Variants in LPCAT1 observed in about 807,000 individuals in gnomAD.
LPCAT1 encodes 1-acylglycerol-3-phosphate O-acyltransferase.
A neutral mutation model predicts 60.9 loss-of-function variants in LPCAT1; 23 were observed. The observed-to-expected ratio is 0.38, with a 90% CI of 0.27 to 0.53. The LOEUF is 0.53. Among genes scored for constraint, LPCAT1 ranks in the 20% least tolerant of loss-of-function variants. LPCAT1 has a pLI of 0.82. For synonymous variants in LPCAT1, 340 were observed against 301.1 expected, an observed-to-expected ratio of 1.13 and a Z score of -1.34; for missense variants, 622 against 723.6, an observed-to-expected ratio of 0.86 and a Z score of 1.61.
At chr5:1,482,859 C>T (rs1735214571) in intron 6 of LPCAT1, among the ~76,000 whole-genome samples, 1 of 152,130 alleles carries the variant, frequency 6.6e-6, no homozygotes. Context: ...GGTCTACCAC[C>T]TTCGCCCCAG....
In LPCAT1 at chr5:1,521,200, A is replaced by C; in HGVS notation, c.135+2510T>G. The C allele has an allele frequency of 2.7e-6, 1 of 366,558 alleles. No individual in the cohort carries two copies. Among genetic ancestry groups the C allele is most frequent in the Non-Finnish European group, 3.8e-6 (1 of 264,588 alleles). The allele number at this position is 366,558 out of a possible 1,614,324, so 22.7% of individuals were successfully genotyped here. A position where few individuals can be genotyped will look rare whatever the true frequency, so the allele number is the denominator to read the frequency against. ...TCTTAATGTGCTGTTTTCTGTCCAA[A>C]GAGATACTTAAGCTCCTCACTAAAT... is the stretch of plus-strand genomic sequence containing the variant. On this transcript the variant is annotated intron_variant, in intron 1 of 13. Transcript: ENST00000283415. The surrounding 1 kb of genome is among the most constrained non-coding windows in gnomAD (Gnocchi z 4.3).
rs1734097610 is a variant in LPCAT1, at chr5:1,461,651, GC to G, written c.*1999del. 1 of 152,790 alleles carries G rather than the reference GC, an allele frequency of 6.5e-6. No homozygotes were observed. Among genetic ancestry groups the G allele is most frequent in the Non-Finnish European group, 1.5e-5 (1 of 68,050 alleles). The allele number at this position is 152,790 out of a possible 1,614,324, so 9.5% of individuals were successfully genotyped here. A position where few individuals can be genotyped will look rare whatever the true frequency, so the allele number is the denominator to read the frequency against. On this transcript the variant is annotated 3_prime_UTR_variant, in exon 14 of 14. Transcript: ENST00000283415. ...TGTACATTCACAGTTCCGAATATCC[GC>G]CAACTCTAAGTCGCCACGAAGAGAA...
intron 5 of LPCAT1, among the ~76,000 whole-genome samples, chr5:1,486,813 G>A (rs542747126): frequency 2.6e-5 from 4 of 152,302 alleles, no homozygotes; most frequent in African/African-American, 7.2e-5. Flanking sequence ...CAGGTGACAC[G>A]CAGAACTCAT....
At position 1,463,801 on chromosome 5, in the gene LPCAT1, G is replaced by A. The variant is rs1379151405; in HGVS notation, c.1455C>T (p.Ala485=). ...DFHRFAEMYP[A]FAEEYLYPDQ... is the part of the protein sequence containing the mutation. ...CCGGGTACAGGTATTCCTCTGCGAAGGCAGGGTACATTTCTGCAAACCTGT... is the reference window on the plus strand; with the variant it reads ...CCGGGTACAGGTATTCCTCTGCGAAAGCAGGGTACATTTCTGCAAACCTGT... Residue 485 remains alanine, a synonymous_variant, in exon 14 of 14, where the codon GCC becomes GCT. Coordinates refer to ENST00000283415, the MANE Select transcript of LPCAT1 (RefSeq NM_024830.5). 1 of 1,614,248 alleles carries A rather than the reference G, an allele frequency of 6.2e-7. No homozygotes were observed. The highest frequency in any genetic ancestry group is 8.5e-7 in the Non-Finnish European group (1 of 1,180,030).
intron 7 of LPCAT1, among the ~76,000 whole-genome samples, chr5:1,479,961 C>CCCACACCTGTCCCT (rs965476510): frequency 6.6e-6 from 1 of 151,916 alleles, no homozygotes; most frequent in Non-Finnish European, 1.5e-5. Context: ...CCTCGTACAG[C>CCCACACCTGTCCCT]CCACACCTGT....
intron 1 of LPCAT1, among the ~76,000 whole-genome samples, chr5:1,509,834 C>T (rs1404838262): frequency 1.3e-5 from 2 of 152,184 alleles, no homozygotes; most frequent in Non-Finnish European, 2.9e-5. Context: ...TGAACCATTG[C>T]CGTGGGCTCT....
In LPCAT1 at chr5:1,502,232, C is replaced by A. The variant is rs1327425320; in HGVS notation, c.136-629G>T. Among the ~76,000 whole-genome samples, 1 of 152,118 alleles carries A rather than the reference C, an allele frequency of 6.6e-6. No homozygotes were observed. Among genetic ancestry groups the A allele is most frequent in the African/African-American group, 2.4e-5 (1 of 41,408 alleles). The stretch of plus-strand genomic sequence containing the variant: ...CAGCACACAACCCCAGGCAGCTCCA[C>A]CCCGCAGGACGCACCCCCAGGCAGC... On this transcript the variant is annotated intron_variant, in intron 1 of 13. Transcript: ENST00000283415. The surrounding 1 kb of genome is among the most constrained non-coding windows in gnomAD (Gnocchi z 5.5).
rs901003306 is a variant in LPCAT1 at position 1,522,441 on chromosome 5, C to T, written c.135+1269G>A. Among the ~76,000 whole-genome samples, 2 of 152,128 alleles carry T rather than the reference C, an allele frequency of 1.3e-5. No individual in the cohort carries two copies. The highest frequency in any genetic ancestry group is 6.5e-5 in the Admixed American group (1 of 15,280). On this transcript the variant is annotated intron_variant, in intron 1 of 13. Coordinates refer to ENST00000283415, the MANE Select transcript of LPCAT1 (RefSeq NM_024830.5). This position sits in a 1 kb window ranked among gnomAD's most constrained non-coding sequence, Gnocchi z 6.8. ...CGCCCCAGCCCCAGAGTCCAGCTCC[C>T]GACACACAGGGAGACGGGGGCCAGG... is the stretch of plus-strand genomic sequence containing the variant.
In LPCAT1 at chr5:1,470,876, C is replaced by T. The variant is rs776289215; in HGVS notation, c.1228G>A (p.Val410Ile). The T allele has an allele frequency of 1.2e-6, 2 of 1,613,570 alleles. No homozygotes were observed. The highest frequency in any genetic ancestry group is 1.7e-6 in the Non-Finnish European group (2 of 1,180,012). ...AGGGTCCGGGCCGGCCGGCAGACGA[C>T]AGACAGGGCAACCACACACTCTCGC... ...DLRECVVALS[V>I]VCRPARTLDT... Residue 410 changes from valine (V) to isoleucine (I), a missense_variant, in exon 12 of 14, where the codon GTC becomes ATC. Transcript: ENST00000283415.
intron 11 of LPCAT1, among the ~76,000 whole-genome samples, chr5:1,473,119 CAG>C (rs1196832149): frequency 3.9e-5 from 6 of 152,258 alleles, no homozygotes; most frequent in South Asian, 2.1e-4. Flanking sequence ...GCTCTCTGGC[CAG>C]AGAGGCCTCC....
chr5:1,512,294 G>A (rs556048440), intron 1 of LPCAT1, among the ~76,000 whole-genome samples: 6 of 152,304 alleles, frequency 3.9e-5, no homozygotes, highest in East Asian at 1.9e-4. Context: ...CCGCTGGGCC[G>A]GCCACACCCG....
intron 8 of LPCAT1, among the ~76,000 whole-genome samples, chr5:1,478,232 C>T (rs542210590): frequency 1.2e-4 from 18 of 152,254 alleles, no homozygotes; most frequent in South Asian, 2.1e-4. Flanking sequence ...CATTGCACAC[C>T]GTGCAGGAAA....
chr5:1,508,920 T>C (rs1210107676), intron 1 of LPCAT1, among the ~76,000 whole-genome samples: 1 of 152,214 alleles, frequency 6.6e-6, no homozygotes, highest in Non-Finnish European at 1.5e-5. Context: ...CGTTTCACAA[T>C]CAGTGCTGAA....
At chr5:1,509,433 C>G (rs1266613246) in intron 1 of LPCAT1, among the ~76,000 whole-genome samples, 1 of 152,260 alleles carries the variant, frequency 6.6e-6, no homozygotes, top group African/African-American at 2.4e-5. Flanking sequence ...CAGGCGCCTG[C>G]TGTCCAAGGT....
At chr5:1,498,936 T>C (rs74292151) in intron 2 of LPCAT1, among the ~76,000 whole-genome samples, 9 of 151,904 alleles carry the variant, frequency 5.9e-5, no homozygotes, top group Non-Finnish European at 1.2e-4. Flanking sequence ...TGTACACACA[T>C]ACACACCCTC....
chr5:1,517,461 T>C (rs1289901297), intron 1 of LPCAT1, among the ~76,000 whole-genome samples: 1 of 151,896 alleles, frequency 6.6e-6, no homozygotes, highest in Non-Finnish European at 1.5e-5. Flanking sequence ...TGAGACGGAG[T>C]GGGACAGGGA....
rs1436911651 is a variant in LPCAT1, at chr5:1,487,543, T to G, written c.667+848A>C. Reference sequence around the variant, plus strand: ...AACCCCGGCGGCACACGTAGGTGAGTGACTGCACACTTTCTCGACCCAGCT... The same window carrying G: ...AACCCCGGCGGCACACGTAGGTGAGGGACTGCACACTTTCTCGACCCAGCT... On this transcript the variant is annotated intron_variant, in intron 5 of 13. Coordinates refer to ENST00000283415, the MANE Select transcript of LPCAT1 (RefSeq NM_024830.5). The surrounding 1 kb of genome is among the most constrained non-coding windows in gnomAD (Gnocchi z 6.1). 1.3e-5 allele frequency among the ~76,000 whole-genome samples: 2 copies of G among 151,760 alleles called. No homozygotes were observed. The highest frequency in any genetic ancestry group is 2.9e-5 in the Non-Finnish European group (2 of 67,922).
intron 1 of LPCAT1, among the ~76,000 whole-genome samples, chr5:1,518,026 A>G (rs530114500): frequency 6.6e-6 from 1 of 152,380 alleles, no homozygotes; most frequent in Non-Finnish European, 1.5e-5. Flanking sequence ...GACGGCTCAC[A>G]TGGACTAATG....
intron 1 of LPCAT1, among the ~76,000 whole-genome samples, chr5:1,518,277 A>C (rs1217199316): frequency 6.6e-6 from 1 of 152,192 alleles, no homozygotes; most frequent in South Asian, 2.1e-4. Flanking sequence ...AAAAGAGAAA[A>C]ATATAAGACA....
Sources: allele counts gnomAD v4.1 joint callset (sites outside exome capture counted in the v4.1 genomes callset), GRCh38; gene constraint gnomAD v4.1.1; non-coding constraint Gnocchi (gnomAD v3.1); transcripts MANE v1.5; gene names NCBI Gene and HGNC (gene_info 2026-07-23, HGNC 2026-07-21).